Variants in ANKFN1 observed in about 807,000 individuals in gnomAD.
The protein encoded by ANKFN1 is ankyrin repeat and fibronectin type III domain containing 1.
ANKFN1 carries 74 observed loss-of-function variants against 108.7 expected under a neutral mutation model. The ratio of observed to expected loss-of-function variants is 0.68; its 90% CI spans 0.56 to 0.83. The LOEUF (loss-of-function observed/expected upper bound fraction) is 0.83, where lower values mean the gene tolerates loss of function less well. Among genes scored for constraint, ANKFN1 ranks in the 40% least tolerant of loss-of-function variants. ANKFN1 has a pLI of 0.00. For missense variants in ANKFN1, 1,505 were observed against 1,382.3 expected (o/e 1.09, Z -1.41); for synonymous variants, 547 against 516.2 (o/e 1.06, Z -0.81).
At chr17:56,497,770 A>G (rs1372854) in intron 19 of ANKFN1, among the ~76,000 whole-genome samples, 116,180 of 152,012 alleles carry the variant, frequency 0.76, 44,534 homozygotes, top group East Asian at 0.96. Context: ...AGGGAACTTA[A>G]GCATCATGTA....
intron 16 of ANKFN1, among the ~76,000 whole-genome samples, chr17:56,479,414 A>G (rs2050620158): frequency 6.6e-6 from 1 of 152,208 alleles, no homozygotes. Context: ...ATGGGAAAAA[A>G]GAAACATTTC....
At chr17:56,112,524 A>C (rs1221066830) in intron 4 of ANKFN1, among the ~76,000 whole-genome samples, 2 of 152,072 alleles carry the variant, frequency 1.3e-5, no homozygotes, top group African/African-American at 4.8e-5. Flanking sequence ...CATGTATCCA[A>C]GCCAAATCTA....
At chr17:56,301,136 T>A (rs191671891) in intron 3 of ANKFN1, among the ~76,000 whole-genome samples, 1 of 152,296 alleles carries the variant, frequency 6.6e-6, no homozygotes, top group African/African-American at 2.4e-5. Context: ...ATTCACACAA[T>A]GTCCCAGATA....
intron 4 of ANKFN1, among the ~76,000 whole-genome samples, chr17:56,050,710 C>T (rs371459694): frequency 1.5e-4 from 23 of 151,958 alleles, no homozygotes; most frequent in African/African-American, 2.2e-4. Context: ...TGTAGATATG[C>T]GGCGTTATTT....
intron 2 of ANKFN1, among the ~76,000 whole-genome samples, chr17:56,226,013 G>A (rs1916239770): frequency 6.6e-6 from 1 of 152,182 alleles, no homozygotes; most frequent in South Asian, 2.1e-4. Context: ...TTTCTCAGTA[G>A]GTGAGAATGT....
At chr17:56,132,586 G>A (rs1356252498) in intron 4 of ANKFN1, among the ~76,000 whole-genome samples, 1 of 152,138 alleles carries the variant, frequency 6.6e-6, no homozygotes, top group Non-Finnish European at 1.5e-5. Flanking sequence ...GAAAAGTCAT[G>A]CCTTAGTCGG....
chr17:56,449,041 T>C (rs574097465), intron 10 of ANKFN1, 38 bp from the exon 11 acceptor site: 2 of 1,590,350 alleles, frequency 1.3e-6, no homozygotes, highest in Admixed American at 3.3e-5. Context: ...CCTCCCCTGT[T>C]TTAAAATTTC....
In ANKFN1 at chr17:56,499,051, C is replaced by T; in HGVS notation, c.2597C>T (p.Pro866Leu). The stretch of plus-strand genomic sequence containing the variant: ...TCATCATCACATATAGACTGTCTTC[C>T]ATCCCCACCCCCATCCCCAGAGATG... ...STSSSHIDCL[P>L]SPPPSPEMHR... Residue 866 changes from proline to leucine, a missense_variant, in exon 20 of 21, where the codon CCA (proline) becomes CTA (leucine). Coordinates refer to ENST00000682825, the MANE Select transcript of ANKFN1 (RefSeq NM_001370326.1). The T allele has an allele frequency of 1.3e-6, 2 of 1,535,660 alleles. No individual in the cohort carries two copies. The highest frequency in any genetic ancestry group is 1.7e-6 in the Non-Finnish European group (2 of 1,146,608).
chr17:56,095,705 G>C (rs1163530617), intron 4 of ANKFN1, among the ~76,000 whole-genome samples: 1 of 152,204 alleles, frequency 6.6e-6, no homozygotes, highest in African/African-American at 2.4e-5. Flanking sequence ...TGAGCGCAAA[G>C]CATGTTGAGT....
At chr17:56,480,088 T>C (rs542761256) in intron 16 of ANKFN1, among the ~76,000 whole-genome samples, 2 of 152,316 alleles carry the variant, frequency 1.3e-5, no homozygotes, top group East Asian at 3.9e-4. Flanking sequence ...AGATTACTGG[T>C]TTGTAAGGAG....
intron 8 of ANKFN1, among the ~76,000 whole-genome samples, chr17:56,396,676 A>G (rs1383779082): frequency 1.3e-5 from 2 of 152,186 alleles, no homozygotes; most frequent in Non-Finnish European, 2.9e-5. Context: ...TCAGGACTTT[A>G]TAGGCATTGC....
chr17:56,443,069 A>G (rs546366855), intron 10 of ANKFN1, 136 bp downstream of exon 10: 5 of 705,938 alleles, frequency 7.1e-6, no homozygotes, highest in Middle Eastern at 3.2e-4. Flanking sequence ...TCTGGGCCAC[A>G]TAATGAATGA....
At chr17:56,395,210 C>T (rs550546586) in intron 8 of ANKFN1, among the ~76,000 whole-genome samples, 4 of 152,194 alleles carry the variant, frequency 2.6e-5, no homozygotes, top group South Asian at 2.1e-4. Context: ...AGAGAGGTGA[C>T]GAGGGTTCAT....
intron 8 of ANKFN1, among the ~76,000 whole-genome samples, chr17:56,379,540 T>C (rs1029683497): frequency 6.6e-6 from 1 of 152,220 alleles, no homozygotes; most frequent in Admixed American, 6.5e-5. Context: ...CAAAATTTTG[T>C]TTATGTGCTC....
At chr17:56,380,454 A>G (rs914536426) in intron 8 of ANKFN1, among the ~76,000 whole-genome samples, 7 of 152,202 alleles carry the variant, frequency 4.6e-5, no homozygotes, top group African/African-American at 1.7e-4. Context: ...GGTGCAGTGC[A>G]CCGTGCACGA....
At chr17:56,444,329 G>A (rs2049210874) in intron 10 of ANKFN1, among the ~76,000 whole-genome samples, 1 of 152,174 alleles carries the variant, frequency 6.6e-6, no homozygotes. Context: ...TGATTAGATA[G>A]AGTGTGTCCA....
chr17:56,074,619 A>G (rs1213078028), intron 4 of ANKFN1, among the ~76,000 whole-genome samples: 3 of 152,182 alleles, frequency 2.0e-5, no homozygotes, highest in Non-Finnish European at 2.9e-5. Context: ...CTGTTGCATG[A>G]TATCATCTGT....
At chr17:56,363,285 T>A (rs1400652557) in intron 6 of ANKFN1, among the ~76,000 whole-genome samples, 3 of 151,838 alleles carry the variant, frequency 2.0e-5, no homozygotes, top group Non-Finnish European at 2.9e-5. Flanking sequence ...AAAGAAGACA[T>A]ACAAATGACC....
At chr17:56,386,428 A>C (rs897278215) in intron 8 of ANKFN1, among the ~76,000 whole-genome samples, 33 of 152,182 alleles carry the variant, frequency 2.2e-4, no homozygotes, top group African/African-American at 7.7e-4. Context: ...ATATGTAACT[A>C]ACCTGCACAT....
Sources: allele counts gnomAD v4.1 joint callset (sites outside exome capture counted in the v4.1 genomes callset), GRCh38; gene constraint gnomAD v4.1.1; transcripts MANE v1.5; gene names NCBI Gene and HGNC (gene_info 2026-07-23, HGNC 2026-07-21).